Variants in MYO18B observed in about 807,000 individuals in gnomAD.
MYO18B encodes myosin XVIIIB.
In MYO18B, 204 loss-of-function variants were observed where a neutral mutation model predicts 273.0. The ratio of observed to expected loss-of-function variants is 0.75; its 90% CI spans 0.67 to 0.84. The LOEUF is 0.84. MYO18B is among the 40% of genes least tolerant of loss of function. The pLI is 0.00. For synonymous variants in MYO18B, 1,330 were observed against 1,305.7 expected, an observed-to-expected ratio of 1.02 and a Z score of -0.40; for missense variants, 3,212 against 3,287.6, an observed-to-expected ratio of 0.98 and a Z score of 0.56.
At chr22:26,036,302 G>C in the MYO18B span, among the ~76,000 whole-genome samples, 4 of 152,128 alleles carry the variant, frequency 2.6e-5, no homozygotes, top group African/African-American at 9.7e-5. Context: ...TAGCAGCTCT[G>C]GTGACAAGGT....
intron 12 of MYO18B, among the ~76,000 whole-genome samples, chr22:25,814,366 C>T (rs867735464): frequency 3.3e-5 from 4 of 121,614 alleles, no homozygotes; most frequent in South Asian, 5.3e-4. Context: ...TGTTGCCAGG[C>T]TGAAGTGCAA....
At position 25,792,701 on chromosome 22, in the gene MYO18B, G is replaced by T. The variant is rs186923574; in HGVS notation, c.2377-5252G>T. On this transcript the variant is annotated intron_variant, in intron 11 of 43. Coordinates refer to ENST00000335473, the MANE Select transcript of MYO18B (RefSeq NM_032608.7). Reference sequence around the variant, plus strand: ...GTAGAGACGGGGTTTCACCATTTTTGCCAGGATGGTTTCAATCTCGACCTC... The same window carrying T: ...GTAGAGACGGGGTTTCACCATTTTTTCCAGGATGGTTTCAATCTCGACCTC... 5.3e-5 allele frequency among the ~76,000 whole-genome samples: 8 copies of T among 151,898 alleles called. No homozygotes were observed. The East Asian group carries it at 1.6e-3, about 29-fold the overall frequency.
At chr22:25,918,953 G>A (rs1324485295) in intron 33 of MYO18B, among the ~76,000 whole-genome samples, 1 of 152,106 alleles carries the variant, frequency 6.6e-6, no homozygotes, top group Non-Finnish European at 1.5e-5. Flanking sequence ...CCACTTAGTA[G>A]CAATATGACA....
At chr22:25,752,886 C>G (rs1394911930) in intron 1 of MYO18B, among the ~76,000 whole-genome samples, 1 of 152,148 alleles carries the variant, frequency 6.6e-6, no homozygotes, top group Non-Finnish European at 1.5e-5. Context: ...TCGGAGGCTC[C>G]GTACTCGGAG....
At chr22:25,906,814 G>A (rs989670988) in intron 31 of MYO18B, among the ~76,000 whole-genome samples, 6 of 152,246 alleles carry the variant, frequency 3.9e-5, no homozygotes, top group African/African-American at 1.2e-4. Flanking sequence ...GAGCAGTCAC[G>A]TATAAAACCA....
chr22:25,817,051 G>A (rs145876860), intron 12 of MYO18B, among the ~76,000 whole-genome samples: 176 of 152,256 alleles, frequency 1.2e-3, no homozygotes, highest in Non-Finnish European at 2.3e-3. Context: ...ACTCATAGTG[G>A]GTGGGGAAAA....
intron 40 of MYO18B, among the ~76,000 whole-genome samples, chr22:25,998,697 A>G (rs1380992873): frequency 2.0e-5 from 3 of 152,236 alleles, no homozygotes; most frequent in Admixed American, 6.5e-5. Flanking sequence ...CTAGTAGGAC[A>G]GTCATTGGAA....
At chr22:25,842,583 A>G (rs2090116635) in intron 17 of MYO18B, among the ~76,000 whole-genome samples, 1 of 151,674 alleles carries the variant, frequency 6.6e-6, no homozygotes, top group Admixed American at 6.6e-5. Context: ...GAGGCAGGAG[A>G]ATCACTTGAA....
Position 25,961,220 on chromosome 22 carries a change from T to TA in MYO18B, c.6156+5872dup, listed in dbSNP as rs749508614. Among the ~76,000 whole-genome samples, 569 of 124,832 alleles carry TA rather than the reference T, an allele frequency of 4.6e-3. 2 individuals carry two copies. Among genetic ancestry groups the TA allele is most frequent in the South Asian group, 9.0e-3 (34 of 3,780 alleles). 81.9% of individuals were successfully genotyped at this position (124,832 alleles called of 152,430 possible). ...CTGGGTGACAGAGCTAGCCTCCATC[T>TA]AAAAAAAAAAAAAAAAGAAAGAAAG... On this transcript the variant is annotated intron_variant, in intron 39 of 43. Transcript: ENST00000335473.
At chr22:25,809,644 T>C (rs1202702930) in intron 12 of MYO18B, among the ~76,000 whole-genome samples, 1 of 152,060 alleles carries the variant, frequency 6.6e-6, no homozygotes, top group Non-Finnish European at 1.5e-5. Context: ...TTATCAGTGC[T>C]GGAATGGATG....
At chr22:25,961,502 T>G (rs997696200) in intron 39 of MYO18B, among the ~76,000 whole-genome samples, 20 of 152,214 alleles carry the variant, frequency 1.3e-4, no homozygotes, top group Non-Finnish European at 7.3e-5. Context: ...GTAAATGTGC[T>G]ATTCCTGGAG....
intron 39 of MYO18B, among the ~76,000 whole-genome samples, chr22:25,968,003 C>T (rs1325426650): frequency 1.3e-5 from 2 of 152,198 alleles, no homozygotes; most frequent in East Asian, 1.9e-4. Context: ...TACCAGCACA[C>T]CACCGACTGA....
At chr22:26,038,740 A>G in the MYO18B span, among the ~76,000 whole-genome samples, 1 of 152,210 alleles carries the variant, frequency 6.6e-6, no homozygotes, top group Non-Finnish European at 1.5e-5. Context: ...CCAACCAACT[A>G]CTGTAACCAG....
At chr22:25,923,590 T>C (rs1453989393) in intron 34 of MYO18B, among the ~76,000 whole-genome samples, 1 of 152,182 alleles carries the variant, frequency 6.6e-6, no homozygotes, top group Non-Finnish European at 1.5e-5. Context: ...AAGTGCAGAA[T>C]TGAGAGATGC....
At chr22:26,003,394 G>A in intron 41 of MYO18B, 85 bp downstream of exon 41, 2 of 1,199,372 alleles carry the variant, frequency 1.7e-6, no homozygotes, top group Non-Finnish European at 2.4e-6. Context: ...GAACATCCAT[G>A]TCCACTTGGA....
chr22:25,874,044 G>C (rs1298730136), intron 22 of MYO18B, among the ~76,000 whole-genome samples: 1 of 152,206 alleles, frequency 6.6e-6, no homozygotes, highest in Non-Finnish European at 1.5e-5. Context: ...CACCCAGGTG[G>C]TGCCAATGCC....
intron 6 of MYO18B, among the ~76,000 whole-genome samples, chr22:25,771,427 G>T (rs2086716592): frequency 6.6e-6 from 1 of 152,106 alleles, no homozygotes. Context: ...CCTATATTTT[G>T]GCATCAAACT....
chr22:25,932,077 A>C (rs1052711298), intron 34 of MYO18B, among the ~76,000 whole-genome samples: 3 of 152,086 alleles, frequency 2.0e-5, no homozygotes, highest in Non-Finnish European at 2.9e-5. Context: ...CGTAGAGGCA[A>C]ATTGCTCAAA....
At chr22:25,801,962 T>G (rs910521) in intron 12 of MYO18B, among the ~76,000 whole-genome samples, 129,662 of 151,862 alleles carry the variant, frequency 0.85, 56,951 homozygotes, top group Non-Finnish European at 0.97. Flanking sequence ...CCAAGTACCC[T>G]GTGTTCCTGC....
Sources: allele counts gnomAD v4.1 joint callset (sites outside exome capture counted in the v4.1 genomes callset), GRCh38; gene constraint gnomAD v4.1.1; transcripts MANE v1.5; gene names NCBI Gene and HGNC (gene_info 2026-07-23, HGNC 2026-07-21).